Variants in OXCT1 observed in about 807,000 individuals in gnomAD.
OXCT1 encodes the protein 3-oxoacid CoA-transferase 1, also known as succinyl-CoA:3-ketoacid coenzyme A transferase 1, mitochondrial.
In OXCT1, 27 loss-of-function variants were observed where a neutral mutation model predicts 69.6. That is an observed-to-expected ratio of 0.39 (90% CI 0.29 to 0.54). The LOEUF is 0.54. Ranked by LOEUF, OXCT1 falls within the 20% of genes least tolerant of loss-of-function variation. The pLI, the probability that OXCT1 is intolerant of heterozygous loss-of-function variation, is 0.72. For missense variants in OXCT1, 437 were observed against 650.2 expected, an observed-to-expected ratio of 0.67 and a Z score of 3.57; for synonymous variants, 202 against 217.8, an observed-to-expected ratio of 0.93 and a Z score of 0.64.
At chr5:41,801,695 A>G (rs981191792) in intron 10 of OXCT1, among the ~76,000 whole-genome samples, 3 of 152,094 alleles carry the variant, frequency 2.0e-5, no homozygotes, top group Non-Finnish European at 4.4e-5. Context: ...GTAGGCCTGA[A>G]TTTGGGTTTC....
chr5:41,743,000 G>A (rs1743258772), intron 15 of OXCT1, among the ~76,000 whole-genome samples: 1 of 152,128 alleles, frequency 6.6e-6, no homozygotes, highest in African/African-American at 2.4e-5. Flanking sequence ...ACACAGTAAT[G>A]GGATGGCTGG....
In OXCT1 at chr5:41,805,622, G is replaced by A. The variant is rs201055628; in HGVS notation, c.900C>T (p.Asp300=). 44 of 1,612,848 alleles carry A rather than the reference G, an allele frequency of 2.7e-5. No individual in the cohort carries two copies. The highest frequency in any genetic ancestry group is 2.2e-4 in the East Asian group (10 of 44,806). ...CCCTCTTGATGATTCGTTCCCTTACGTCATCTCCAGGTTTAGCAGATTTGG... is the reference window on the plus strand; with the variant it reads ...CCCTCTTGATGATTCGTTCCCTTACATCATCTCCAGGTTTAGCAGATTTGG... ...GEAKSAKPGD[D]VRERIIKRAA... The change falls in exon 9 of 17, where the codon GAC becomes GAT. Residue 300 remains aspartate (D), a synonymous_variant. Coordinates refer to ENST00000196371, the MANE Select transcript of OXCT1 (RefSeq NM_000436.4).
At chr5:41,752,216 T>G (rs1448573206) in intron 14 of OXCT1, among the ~76,000 whole-genome samples, 2 of 152,114 alleles carry the variant, frequency 1.3e-5, no homozygotes, top group African/African-American at 4.8e-5. Context: ...GCCATACAAT[T>G]TTTGTGGTCC....
chr5:41,855,814 G>A (rs1749402262), intron 3 of OXCT1, among the ~76,000 whole-genome samples: 1 of 152,172 alleles, frequency 6.6e-6, no homozygotes, highest in Admixed American at 6.6e-5. Context: ...TTCTGAAAAT[G>A]GAGAACCCAA....
At chr5:41,856,738 T>C (rs1402680946) in intron 3 of OXCT1, among the ~76,000 whole-genome samples, 2 of 152,300 alleles carry the variant, frequency 1.3e-5, no homozygotes, top group East Asian at 3.9e-4. Flanking sequence ...TACTCTCACT[T>C]GGTTCAAAAG....
chr5:41,827,157 GC>G (rs1747847226), intron 7 of OXCT1, among the ~76,000 whole-genome samples: 1 of 152,132 alleles, frequency 6.6e-6, no homozygotes, highest in Non-Finnish European at 1.5e-5. Context: ...CAATACGCAA[GC>G]TAAAATTATG....
intron 13 of OXCT1, among the ~76,000 whole-genome samples, chr5:41,787,140 ACT>A (rs1291280207): frequency 4.6e-5 from 7 of 152,176 alleles, no homozygotes; most frequent in South Asian, 2.1e-4. Flanking sequence ...CTGGCCAGTA[ACT>A]CTGTGATATA....
In OXCT1 at chr5:41,801,053, T is replaced by C. The variant is rs967500882; in HGVS notation, c.1068A>G (p.Gln356=). ...GVLGLGPYPR[Q]HEADADLINA... is the part of the protein sequence containing the mutation. The stretch of plus-strand genomic sequence containing the variant: ...TGATGAGATCTGCATCAGCTTCATG[T>C]TGTCGTGGATATGGACCCTGTCAAA... Residue 356 remains glutamine (Q), a synonymous_variant, in exon 11 of 17, where the codon CAA becomes CAG. Transcript: ENST00000196371. 1 of 1,612,324 alleles carries C rather than the reference T, an allele frequency of 6.2e-7. No individual in the cohort carries two copies. Among genetic ancestry groups the C allele is most frequent in the East Asian group, 2.2e-5 (1 of 44,842 alleles).
chr5:41,851,823 C>T (rs1749188286), intron 4 of OXCT1, among the ~76,000 whole-genome samples: 1 of 152,152 alleles, frequency 6.6e-6, no homozygotes, highest in South Asian at 2.1e-4. Flanking sequence ...AGTTCCACAA[C>T]CCAAAGAATA....
intron 11 of OXCT1, among the ~76,000 whole-genome samples, chr5:41,795,998 G>C (rs1406000944): frequency 6.6e-6 from 1 of 151,796 alleles, no homozygotes. Context: ...TTCTTTTTCT[G>C]ACTCATCTGT....
At chr5:41,747,303 CAT>C (rs1468497473) in intron 15 of OXCT1, among the ~76,000 whole-genome samples, 4 of 152,108 alleles carry the variant, frequency 2.6e-5, no homozygotes, top group Non-Finnish European at 5.9e-5. Context: ...TCTGTGACTA[CAT>C]GTTTTCTTCC....
intron 9 of OXCT1, 103 bp from the exon 10 acceptor site, chr5:41,803,266 G>A (rs1746508767): frequency 1.3e-6 from 1 of 763,438 alleles, no homozygotes; most frequent in African/African-American, 1.7e-5. Context: ...TTTAAAGGTG[G>A]CTTACTCTGA....
At chr5:41,790,081 TC>T (rs1051344802) in intron 13 of OXCT1, among the ~76,000 whole-genome samples, 4 of 152,192 alleles carry the variant, frequency 2.6e-5, no homozygotes, top group African/African-American at 9.6e-5. Flanking sequence ...ACCAAAAGTG[TC>T]CCATTCTTTC....
intron 13 of OXCT1, among the ~76,000 whole-genome samples, chr5:41,764,377 TA>T (rs1442818126): frequency 7.2e-5 from 11 of 152,138 alleles, no homozygotes; most frequent in African/African-American, 2.4e-4. Flanking sequence ...ATAGAGTTTA[TA>T]AATGTATTCA....
At chr5:41,855,600 G>A (rs1436286675) in intron 3 of OXCT1, among the ~76,000 whole-genome samples, 1 of 152,118 alleles carries the variant, frequency 6.6e-6, no homozygotes, top group Non-Finnish European at 1.5e-5. Flanking sequence ...CTCCGTTACT[G>A]AGTGCTTATT....
At chr5:41,731,903 G>T in intron 16 of OXCT1, 133 bp from the exon 17 acceptor site, 1 of 1,114,538 alleles carries the variant, frequency 9.0e-7, no homozygotes, top group Non-Finnish European at 1.3e-6. Context: ...GTTTCCATAT[G>T]ATTTTCCATC....
At chr5:41,837,238 G>A (rs1391100130) in intron 7 of OXCT1, among the ~76,000 whole-genome samples, 1 of 151,172 alleles carries the variant, frequency 6.6e-6, no homozygotes, top group Admixed American at 6.6e-5. Context: ...AGCTTTAGGA[G>A]ACAAGCTCTA....
chr5:41,739,861 ACT>A (rs1471299186), intron 15 of OXCT1: 2 of 163,842 alleles, frequency 1.2e-5, no homozygotes, highest in African/African-American at 5.0e-5. Context: ...ACAGAGCCAG[ACT>A]CTGTCTCAAA....
At chr5:41,733,537 G>A (rs150324402) in intron 16 of OXCT1, among the ~76,000 whole-genome samples, 3,656 of 152,224 alleles carry the variant, frequency 0.024, 94 homozygotes, top group Non-Finnish European at 0.033. Context: ...GTAAGCCACC[G>A]TGCCTGGCCC....
Sources: allele counts gnomAD v4.1 joint callset (sites outside exome capture counted in the v4.1 genomes callset), GRCh38; gene constraint gnomAD v4.1.1; transcripts MANE v1.5; gene names NCBI Gene and HGNC (gene_info 2026-07-23, HGNC 2026-07-21).